The following IQCH variants were observed in gnomAD, a reference collection of about 807,000 sequenced individuals.
IQCH encodes IQ domain-containing protein H.
A neutral mutation model predicts 117.0 loss-of-function variants in IQCH; 98 were observed. The ratio of observed to expected loss-of-function variants is 0.84; its 90% CI spans 0.71 to 0.99. IQCH has a LOEUF of 0.99. Among genes scored for constraint, IQCH ranks in the 50% least tolerant of loss-of-function variants. The pLI, the probability that IQCH is intolerant of heterozygous loss-of-function variation, is 0.00. For synonymous variants in IQCH, 412 were observed against 448.2 expected, an observed-to-expected ratio of 0.92 and a Z score of 1.02; for missense variants, 1,102 against 1,243.8, an observed-to-expected ratio of 0.89 and a Z score of 1.72.
intron 14 of IQCH, among the ~76,000 whole-genome samples, chr15:67,412,555 C>G (rs187566214): frequency 6.6e-6 from 1 of 152,096 alleles, no homozygotes; most frequent in African/African-American, 2.4e-5. Flanking sequence ...CCCACCACCA[C>G]GCCCGGCTAA....
chr15:67,461,738 C>G (rs1157887846), intron 16 of IQCH, among the ~76,000 whole-genome samples: 2 of 152,192 alleles, frequency 1.3e-5, no homozygotes, highest in African/African-American at 2.4e-5. Context: ...TATGAGGCTG[C>G]TTTTTTATCT....
intron 4 of IQCH, among the ~76,000 whole-genome samples, chr15:67,324,616 A>AG (rs1448264164): frequency 1.3e-5 from 2 of 151,650 alleles, no homozygotes; most frequent in Non-Finnish European, 2.9e-5. Context: ...GTCTAAAAAA[A>AG]AAAAAAAAAA....
intron 3 of IQCH, among the ~76,000 whole-genome samples, chr15:67,278,413 G>A (rs7164336): frequency 0.015 from 2,236 of 152,256 alleles, 54 homozygotes; most frequent in African/African-American, 0.047. Flanking sequence ...TCCACACTGA[G>A]CCTCGAGAAA....
At position 67,354,661 on chromosome 15, in the gene IQCH, G is replaced by T. The variant is rs967812863; in HGVS notation, c.638-2684G>T. Reference sequence around the variant, plus strand: ...GGGAAGGAGGGAGAGACGGGAACAGGTAGTACCACTCAGGAATGCATGTGA... The same window carrying T: ...GGGAAGGAGGGAGAGACGGGAACAGTTAGTACCACTCAGGAATGCATGTGA... On this transcript the variant is annotated intron_variant, in intron 6 of 20. Transcript: ENST00000335894. Among the ~76,000 whole-genome samples, 3 of 152,296 alleles carry T rather than the reference G, an allele frequency of 2.0e-5. No individual in the cohort carries two copies. The East Asian group carries it at 5.8e-4, about 29-fold the overall frequency.
rs1244806211 is a variant in IQCH, at chr15:67,445,315, T to C, written c.2506-19812T>C. ...TTTGCTTTCTTAAACATAAGATTCA[T>C]TGTGTCCCCTATTGTTCTGAGCCCT... On this transcript the variant is annotated intron_variant, in intron 16 of 20. Coordinates refer to ENST00000335894, the MANE Select transcript of IQCH (RefSeq NM_001031715.3). This position sits in a 1 kb window ranked among gnomAD's most constrained non-coding sequence, Gnocchi z 4.3. 6.6e-6 allele frequency among the ~76,000 whole-genome samples: 1 copy of C among 152,224 alleles called. No homozygotes were observed. The highest frequency in any genetic ancestry group is 1.5e-5 in the Non-Finnish European group (1 of 68,038).
chr15:67,485,238 T>C (rs1336608909), intron 18 of IQCH, among the ~76,000 whole-genome samples: 1 of 152,208 alleles, frequency 6.6e-6, no homozygotes, highest in Non-Finnish European at 1.5e-5. Flanking sequence ...ATCAGTTTTT[T>C]AACCCAAATG....
In IQCH at chr15:67,267,404, G is replaced by T. The variant is rs1400045138; in HGVS notation, c.269+4188G>T. On this transcript the variant is annotated intron_variant, in intron 3 of 20. Coordinates refer to ENST00000335894, the MANE Select transcript of IQCH (RefSeq NM_001031715.3). Reference sequence around the variant, plus strand: ...CATTCTTGGTATTTCTAATGCAGATGATTTGTCCTTGGAATCTCTGGGATG... The same window carrying T: ...CATTCTTGGTATTTCTAATGCAGATTATTTGTCCTTGGAATCTCTGGGATG... Among the ~76,000 whole-genome samples, 4 of 152,196 alleles carry T rather than the reference G, an allele frequency of 2.6e-5. No individual in the cohort carries two copies. The East Asian group carries it at 7.7e-4, about 29-fold the overall frequency.
intron 4 of IQCH, among the ~76,000 whole-genome samples, chr15:67,305,840 G>A (rs543698174): frequency 6.6e-6 from 1 of 152,124 alleles, no homozygotes; most frequent in Admixed American, 6.6e-5. Flanking sequence ...CAAAACTTGG[G>A]GCAGATTCTT....
At chr15:67,327,054 T>C (rs1424006103) in intron 4 of IQCH, among the ~76,000 whole-genome samples, 1 of 152,212 alleles carries the variant, frequency 6.6e-6, no homozygotes, top group Non-Finnish European at 1.5e-5. Flanking sequence ...GAATATCCTA[T>C]GTATTTTTCA....
At chr15:67,420,648 A>G (rs1054134493) in intron 15 of IQCH, among the ~76,000 whole-genome samples, 3 of 152,262 alleles carry the variant, frequency 2.0e-5, no homozygotes, top group Non-Finnish European at 2.9e-5. Flanking sequence ...ACTTGCCTCT[A>G]TGATTTTTGG....
intron 4 of IQCH, among the ~76,000 whole-genome samples, chr15:67,313,208 A>G (rs1399859233): frequency 2.0e-5 from 3 of 152,160 alleles, no homozygotes; most frequent in Admixed American, 6.5e-5. Flanking sequence ...TTGGCAACTA[A>G]GAGGTCTGAA....
At chr15:67,267,435 G>A (rs1965722014) in intron 3 of IQCH, among the ~76,000 whole-genome samples, 1 of 152,194 alleles carries the variant, frequency 6.6e-6, no homozygotes, top group Non-Finnish European at 1.5e-5. Context: ...GGATGAGCAT[G>A]ACTGCCTGGA....
At chr15:67,439,553 GAGC>G (rs1232795562) in intron 16 of IQCH, among the ~76,000 whole-genome samples, 3 of 152,194 alleles carry the variant, frequency 2.0e-5, no homozygotes, top group African/African-American at 7.2e-5. Context: ...ACCAAGATCA[GAGC>G]AGAACTACAT....
In IQCH at chr15:67,365,504, C is replaced by CAA. The variant is rs575182260; in HGVS notation, c.753+5620_753+5621dup. On this transcript the variant is annotated intron_variant, in intron 8 of 20. Coordinates refer to ENST00000335894, the MANE Select transcript of IQCH (RefSeq NM_001031715.3). This position sits in a 1 kb window ranked among gnomAD's most constrained non-coding sequence, Gnocchi z 4.4. ...TACTAGATAGGCACTGGGGACACAA[C>CAA]AATGAATGAAGCAAACCTAGTCCTT... 6.3e-4 allele frequency among the ~76,000 whole-genome samples: 96 copies of CAA among 152,230 alleles called. 1 individual carries two copies. Among genetic ancestry groups the CAA allele is most frequent in the Admixed American group, 4.3e-3 (66 of 15,288 alleles).
chr15:67,332,568 T>C (rs1388945746), intron 4 of IQCH, among the ~76,000 whole-genome samples: 1 of 152,170 alleles, frequency 6.6e-6, no homozygotes, highest in Non-Finnish European at 1.5e-5. Flanking sequence ...ATGAACTATA[T>C]GTGAGCACTG....
intron 16 of IQCH, among the ~76,000 whole-genome samples, chr15:67,451,032 T>G (rs1327832719): frequency 6.6e-6 from 1 of 152,258 alleles, no homozygotes; most frequent in Non-Finnish European, 1.5e-5. Context: ...TAGTATTCTC[T>G]GATGGTAGTT....
At chr15:67,270,626 C>G (rs1193345338) in intron 3 of IQCH, among the ~76,000 whole-genome samples, 1 of 152,158 alleles carries the variant, frequency 6.6e-6, no homozygotes, top group East Asian at 1.9e-4. Flanking sequence ...ACAGGCACCT[C>G]TTCCTCTCTC....
At chr15:67,261,524 CTTGTT>C (rs1483604337) in intron 2 of IQCH, 130 bp downstream of exon 2, 1 of 681,272 alleles carries the variant, frequency 1.5e-6, no homozygotes, top group Admixed American at 3.1e-5. Context: ...CGTCAGCATT[CTTGTT>C]TTGTTATTTG....
At chr15:67,373,755 T>C (rs538627058) in intron 10 of IQCH, 1 of 424,190 alleles carries the variant, frequency 2.4e-6, no homozygotes, top group Admixed American at 3.9e-5. Flanking sequence ...TCTTCTTTAA[T>C]GATAGAAGAA....
Sources: allele counts gnomAD v4.1 joint callset (sites outside exome capture counted in the v4.1 genomes callset), GRCh38; gene constraint gnomAD v4.1.1; non-coding constraint Gnocchi (gnomAD v3.1); transcripts MANE v1.5; gene names NCBI Gene and HGNC (gene_info 2026-07-23, HGNC 2026-07-21).